DGCR8: variants seen among roughly 807,000 people sequenced by gnomAD.
DGCR8 encodes the protein DGCR8 microprocessor complex subunit.
A neutral mutation model predicts 78.5 loss-of-function variants in DGCR8; 14 were observed. That is an observed-to-expected ratio of 0.18 (90% confidence interval 0.12 to 0.28). DGCR8 has a LOEUF of 0.28. DGCR8 is among the 10% of genes least tolerant of loss of function. The pLI, the probability that DGCR8 is intolerant of heterozygous loss-of-function variation, is 1.00. For synonymous variants in DGCR8, 399 were observed against 402.4 expected (o/e 0.99, Z 0.10); for missense variants, 702 against 1,022.5 (o/e 0.69, Z 4.28).
rs746966126 is a variant in DGCR8, at chr22:20,085,571, G to A, written c.-277-116G>A. On this transcript the variant is annotated intron_variant, in intron 1 of 13. Transcript: ENST00000351989. The surrounding 1 kb of genome is among the most constrained non-coding windows in gnomAD (Gnocchi z 6.2). The stretch of plus-strand genomic sequence containing the variant: ...TTGATGCCTAAAAAGTCCTCTTAGG[G>A]AATATTATTTTGAAGCCCTTTACTA... 7.4e-6 allele frequency: 6 copies of A among 807,028 alleles called. No homozygotes were observed. Among genetic ancestry groups the A allele is most frequent in the Non-Finnish European group, 1.0e-5 (6 of 601,012 alleles). The allele number at this position is 807,028 out of a possible 1,614,324, so 50.0% of individuals were successfully genotyped here.
chr22:20,101,595 T>C (rs911462124), intron 9 of DGCR8: 46 of 984,496 alleles, frequency 4.7e-5, no homozygotes, highest in Non-Finnish European at 5.4e-5. Context: ...AAAAAATGTA[T>C]ATATGTCATC....
chr22:20,106,283 G>GT lies in DGCR8; in HGVS notation c.1889+7dup, dbSNP rs749214933. Reference sequence around the variant, plus strand: ...CTCCACGAGTGCCTTAAAAGGTAGGGTAGGGGGGTGCCTCCCCCCATGAGT... The same window carrying GT: ...CTCCACGAGTGCCTTAAAAGGTAGGGTTAGGGGGGTGCCTCCCCCCATGAGT... On this transcript the variant is annotated splice_region_variant and intron_variant, in intron 10 of 13. Coordinates refer to ENST00000351989, the MANE Select transcript of DGCR8 (RefSeq NM_022720.7). The GT allele has an allele frequency of 1.9e-6, 3 of 1,610,388 alleles. No individual in the cohort carries two copies. Among genetic ancestry groups the GT allele is most frequent in the African/African-American group, 2.7e-5 (2 of 74,872 alleles).
intron 1 of DGCR8, among the ~76,000 whole-genome samples, chr22:20,081,539 T>C (rs550198126): frequency 1.3e-5 from 2 of 152,318 alleles, no homozygotes; most frequent in Admixed American, 1.3e-4. Flanking sequence ...CAGGGGTTGT[T>C]TTGTAGTCTC....
intron 3 of DGCR8, among the ~76,000 whole-genome samples, chr22:20,088,297 C>T (rs968189638): frequency 2.0e-5 from 3 of 152,222 alleles, no homozygotes; most frequent in East Asian, 1.9e-4. Flanking sequence ...GTCTTGACCT[C>T]GGGGCCTCTA....
chr22:20,083,486 C>A (rs2049440241), intron 1 of DGCR8, among the ~76,000 whole-genome samples: 1 of 151,940 alleles, frequency 6.6e-6, no homozygotes, highest in Non-Finnish European at 1.5e-5. Context: ...GGAGCTCACT[C>A]ACTTGTAAGG....
intron 9 of DGCR8, chr22:20,100,196 AGTT>A (rs1233161750): frequency 9.1e-6 from 2 of 220,306 alleles, no homozygotes; most frequent in Non-Finnish European, 1.5e-5. Flanking sequence ...CCTCCTGAGT[AGTT>A]GGGACTACAG....
chr22:20,104,872 C>T (rs984948399), intron 9 of DGCR8, among the ~76,000 whole-genome samples: 2 of 152,230 alleles, frequency 1.3e-5, no homozygotes, highest in African/African-American at 2.4e-5. Flanking sequence ...GCCCACTGCC[C>T]TGTCTGTAGG....
rs2049495709 is a variant in DGCR8 at position 20,087,223 on chromosome 22, G to C, written c.782G>C (p.Arg261Thr). Residue 261 changes from arginine to threonine, a missense_variant, in exon 3 of 14, where the codon AGG becomes ACG. Arg to Thr is a moderately conservative substitution (Grantham distance 71). Transcript: ENST00000351989. This position sits in a 1 kb window ranked among gnomAD's most constrained non-coding sequence, Gnocchi z 4.1. ...LEEGLCAPKK[R>T]RTEEKYGGDS... The stretch of plus-strand genomic sequence containing the variant: ...GAAGGCCTTTGTGCCCCCAAAAAGA[G>C]GCGAACAGAGGAAAAATATGGCGGA... 3.1e-6 allele frequency: 5 copies of C among 1,614,088 alleles called. No homozygotes were observed. Among genetic ancestry groups the C allele is most frequent in the Non-Finnish European group, 4.2e-6 (5 of 1,179,968 alleles).
intron 1 of DGCR8, among the ~76,000 whole-genome samples, chr22:20,084,259 G>A (rs2049452675): frequency 6.6e-6 from 1 of 152,162 alleles, no homozygotes; most frequent in Admixed American, 6.5e-5. Flanking sequence ...TGTTCTTTCC[G>A]GGAATCTTGG....
At chr22:20,092,616 T>C (rs891723673) in intron 7 of DGCR8, among the ~76,000 whole-genome samples, 193 bp from the exon 8 acceptor site, 3 of 152,180 alleles carry the variant, frequency 2.0e-5, no homozygotes, top group African/African-American at 4.8e-5. Flanking sequence ...CTTTCCCAGC[T>C]GTGCCCTTTG....
Position 20,111,841 on chromosome 22 carries a change from TTGTC to T in DGCR8, c.*1736_*1739del, listed in dbSNP as rs1256072440. 24 of 180,818 alleles carry T rather than the reference TTGTC, an allele frequency of 1.3e-4. No individual in the cohort carries two copies. Among genetic ancestry groups the T allele is most frequent in the Admixed American group, 1.1e-3 (17 of 16,066 alleles). 11.2% of individuals were successfully genotyped at this position (180,818 alleles called of 1,614,324 possible). On this transcript the variant is annotated 3_prime_UTR_variant, in exon 14 of 14. Transcript: ENST00000351989. The stretch of plus-strand genomic sequence containing the variant: ...GCTGTGCCTGGAAGGCGAGCCTTGA[TTGTC>T]TGAACACATAAAGCAAACTGTCCAG...
At chr22:20,092,413 T>C (rs1031623923) in intron 7 of DGCR8, among the ~76,000 whole-genome samples, 1 of 152,178 alleles carries the variant, frequency 6.6e-6, no homozygotes, top group African/African-American at 2.4e-5. Context: ...TGTCTTCCCC[T>C]TGGAAGCTGG....
At chr22:20,106,102 A>G in intron 9 of DGCR8, 75 bp from the exon 10 acceptor site, 2 of 1,238,368 alleles carry the variant, frequency 1.6e-6, no homozygotes, top group Non-Finnish European at 2.4e-6. Flanking sequence ...ATCTGGGGAA[A>G]GCCAACCGCA....
At chr22:20,094,207 G>A (rs140968799) in intron 8 of DGCR8, among the ~76,000 whole-genome samples, 1 of 152,318 alleles carries the variant, frequency 6.6e-6, no homozygotes, top group Non-Finnish European at 1.5e-5. Flanking sequence ...GGTCTATGGA[G>A]CCATCAGCCC....
At chr22:20,102,772 A>G (rs2049718609) in intron 9 of DGCR8, among the ~76,000 whole-genome samples, 1 of 152,190 alleles carries the variant, frequency 6.6e-6, no homozygotes, top group Non-Finnish European at 1.5e-5. Context: ...TTCTCAAAAA[A>G]TTGTTTTGGC....
intron 9 of DGCR8, chr22:20,100,872 C>G: frequency 1.0e-6 from 1 of 975,944 alleles, no homozygotes; most frequent in South Asian, 4.7e-5. Context: ...GTAAGGAGCT[C>G]AGTTTCGTGG....
At chr22:20,088,437 T>G (rs1352806024) in intron 3 of DGCR8, among the ~76,000 whole-genome samples, 1 of 152,218 alleles carries the variant, frequency 6.6e-6, no homozygotes, top group African/African-American at 2.4e-5. Flanking sequence ...GACAGCTGCA[T>G]GTGACCCCCA....
intron 9 of DGCR8, among the ~76,000 whole-genome samples, chr22:20,104,272 C>G (rs543870771): frequency 5.5e-4 from 83 of 151,934 alleles, no homozygotes; most frequent in African/African-American, 2.0e-3. Context: ...TCACGCCATT[C>G]TCCTGCCTCA....
intron 9 of DGCR8, chr22:20,100,344 C>T (rs1436693861): frequency 2.2e-5 from 22 of 984,872 alleles, no homozygotes; most frequent in Non-Finnish European, 2.5e-5. Context: ...GGATTATAGG[C>T]GTGAGCCACT....
Sources: allele counts gnomAD v4.1 joint callset (sites outside exome capture counted in the v4.1 genomes callset), GRCh38; gene constraint gnomAD v4.1.1; non-coding constraint Gnocchi (gnomAD v3.1); transcripts MANE v1.5; gene names NCBI Gene and HGNC (gene_info 2026-07-23, HGNC 2026-07-21).